Variants in CHN2 observed in about 807,000 individuals in gnomAD.
CHN2 encodes chimerin 2, also known as beta-chimaerin.
In CHN2, 35 loss-of-function variants were observed where a neutral mutation model predicts 56.3. The ratio of observed to expected loss-of-function variants is 0.62; its 90% CI spans 0.47 to 0.82. The LOEUF is 0.82. Ranked by LOEUF, CHN2 falls within the 40% of genes least tolerant of loss-of-function variation. The probability of loss-of-function intolerance (pLI) is 0.00; values close to 1 mark genes in which losing one functional copy is unlikely to be tolerated. For synonymous variants in CHN2, 210 were observed against 212.8 expected (o/e 0.99, Z 0.12); for missense variants, 491 against 580.5 (o/e 0.85, Z 1.58).
intron 2 of CHN2, among the ~76,000 whole-genome samples, chr7:29,168,923 T>C (rs1014022888): frequency 4.6e-5 from 7 of 152,172 alleles, no homozygotes; most frequent in South Asian, 2.1e-4. Flanking sequence ...CTATTCGCCA[T>C]GTTTTAAGTA....
intron 2 of CHN2, among the ~76,000 whole-genome samples, chr7:29,165,184 C>T (rs927791272): frequency 9.9e-5 from 15 of 151,996 alleles, no homozygotes; most frequent in African/African-American, 3.6e-4. Flanking sequence ...GATTTATGGG[C>T]ATGTATATCT....
intron 1 of CHN2, among the ~76,000 whole-genome samples, chr7:29,353,819 T>C (rs1380789713): frequency 6.6e-6 from 1 of 152,030 alleles, no homozygotes; most frequent in African/African-American, 2.4e-5. Context: ...AAAAAAAGGA[T>C]TTTTTTCTGC....
chr7:29,151,132 G>C (rs1278790176), intron 2 of CHN2, among the ~76,000 whole-genome samples: 1 of 152,142 alleles, frequency 6.6e-6, no homozygotes, highest in African/African-American at 2.4e-5. Flanking sequence ...CTTGTACTTG[G>C]TAAGGAAGGG....
At chr7:29,323,944 C>A (rs922572309) in intron 1 of CHN2, among the ~76,000 whole-genome samples, 2 of 151,988 alleles carry the variant, frequency 1.3e-5, no homozygotes, top group Non-Finnish European at 2.9e-5. Flanking sequence ...GCGGAGCTTG[C>A]AGTGAGCAGA....
chr7:29,497,544 A>G lies in CHN2; in HGVS notation c.739+1508A>G, dbSNP rs975496607. Reference sequence around the variant, plus strand: ...GAGGCCATATTGTTAGTATTTTCCAATGGCTACTTTTTGGCCTTATATTTC... The same window carrying G: ...GAGGCCATATTGTTAGTATTTTCCAGTGGCTACTTTTTGGCCTTATATTTC... On this transcript the variant is annotated intron_variant, in intron 8 of 12. Transcript: ENST00000222792. Among the ~76,000 whole-genome samples the G allele has an allele frequency of 2.0e-5, 3 of 151,892 alleles. No individual in the cohort carries two copies. In the East Asian group the frequency reaches 5.8e-4, roughly 29 times the overall value.
At chr7:29,190,654 GT>G (rs1310329494), upstream of CHN2, among the ~76,000 whole-genome samples, 1 of 152,150 alleles carries the variant, frequency 6.6e-6, no homozygotes, top group Non-Finnish European at 1.5e-5. Context: ...ATGTTTCACC[GT>G]TTCAGTCTTT....
chr7:29,494,950 T>TAAAAAAAAAACAAAAAAAAAAAAAAAAA (rs1789089162), intron 7 of CHN2, among the ~76,000 whole-genome samples: 1 of 64,652 alleles, frequency 1.5e-5, no homozygotes, highest in Non-Finnish European at 2.8e-5. Flanking sequence ...AAGCAGTTTG[T>TAAAAAAAAAACAAAAAAAAAAAAAAAAA]AAAAAAAAAA....
chr7:29,265,272 C>T (rs1241075637), intron 1 of CHN2, among the ~76,000 whole-genome samples: 3 of 152,188 alleles, frequency 2.0e-5, no homozygotes, highest in Non-Finnish European at 2.9e-5. Flanking sequence ...ATTTCCTCAG[C>T]ACGCTCTTGG....
In CHN2 at chr7:29,227,376, G is replaced by A. The variant is rs561740872; in HGVS notation, c.49+32386G>A. Among the ~76,000 whole-genome samples the A allele has an allele frequency of 4.6e-5, 7 of 152,254 alleles. No individual in the cohort carries two copies. In the East Asian group the frequency reaches 1.4e-3, roughly 29 times the overall value. On this transcript the variant is annotated intron_variant, in intron 1 of 12. Transcript: ENST00000222792. ...AATTGTTCCTTGTTCTAGAGGGATGGACGTACTGAGTTCCTGTTAAAGGTT... is the reference window on the plus strand; with the variant it reads ...AATTGTTCCTTGTTCTAGAGGGATGAACGTACTGAGTTCCTGTTAAAGGTT...
intron 1 of CHN2, chr7:29,197,808 A>T: frequency 2.5e-6 from 1 of 393,622 alleles, no homozygotes; most frequent in South Asian, 1.9e-5. Flanking sequence ...GTTTGATAAA[A>T]CAAATTCTGT....
In CHN2 at chr7:29,195,629, A is replaced by AGAGAGTGTGTGTGT. The variant is rs869037854; in HGVS notation, c.49+640_49+641insAGAGTGTGTGTGTG. On this transcript the variant is annotated intron_variant, in intron 1 of 12. Transcript: ENST00000222792. ...GAGAGAGAGAGAGAGAGAGAGAGAG[A>AGAGAGTGTGTGTGT]GTGTGTGTGTGTGTGTGTGTGAGAG... Among the ~76,000 whole-genome samples the AGAGAGTGTGTGTGT allele has an allele frequency of 9.4e-5, 11 of 117,572 alleles. 1 individual carries two copies. Among genetic ancestry groups the AGAGAGTGTGTGTGT allele is most frequent in the South Asian group, 5.7e-4 (2 of 3,500 alleles). The allele number at this position is 117,572 out of a possible 152,430, so 77.1% of individuals were successfully genotyped here.
intron 1 of CHN2, among the ~76,000 whole-genome samples, chr7:29,269,467 G>A (rs1489100004): frequency 6.6e-6 from 1 of 152,116 alleles, no homozygotes; most frequent in Non-Finnish European, 1.5e-5. Context: ...GGACACTTAG[G>A]TTGACTCCAT....
chr7:29,493,543 A>C (rs1486839553), intron 7 of CHN2, among the ~76,000 whole-genome samples: 1 of 152,072 alleles, frequency 6.6e-6, no homozygotes. Flanking sequence ...ATTTAACCCT[A>C]ACCCATCTAA....
At chr7:29,404,242 G>C (rs1387155260) in intron 6 of CHN2, among the ~76,000 whole-genome samples, 1 of 152,148 alleles carries the variant, frequency 6.6e-6, no homozygotes, top group Non-Finnish European at 1.5e-5. Flanking sequence ...CATGTAAGCA[G>C]AAAACTGCTA....
chr7:29,200,983 C>A (rs746480733), intron 1 of CHN2, among the ~76,000 whole-genome samples: 16 of 152,144 alleles, frequency 1.1e-4, no homozygotes, highest in Non-Finnish European at 2.1e-4. Context: ...CCTTTCTCCT[C>A]ATTTATAATT....
intron 1 of CHN2, among the ~76,000 whole-genome samples, chr7:29,278,749 G>A (rs1285964654): frequency 1.3e-5 from 2 of 152,152 alleles, no homozygotes; most frequent in South Asian, 2.1e-4. Flanking sequence ...TTGGAAATCC[G>A]GCCATGAACC....
chr7:29,466,090 C>T (rs1785524149), intron 6 of CHN2, among the ~76,000 whole-genome samples: 1 of 152,040 alleles, frequency 6.6e-6, no homozygotes, highest in Non-Finnish European at 1.5e-5. Flanking sequence ...GTATCCCAGC[C>T]ACTCAGGAGG....
At chr7:29,404,222 G>A (rs1225788153) in intron 6 of CHN2, among the ~76,000 whole-genome samples, 1 of 152,074 alleles carries the variant, frequency 6.6e-6, no homozygotes, top group Non-Finnish European at 1.5e-5. Context: ...ATCTGTTTCT[G>A]AAAACAGATC....
intron 6 of CHN2, among the ~76,000 whole-genome samples, chr7:29,412,340 TTTTTTTTTG>T (rs1338600716): frequency 6.6e-4 from 64 of 96,918 alleles, no homozygotes; most frequent in African/African-American, 2.5e-3. Flanking sequence ...TTTTTTTTTT[TTTTTTTTTG>T]GGAGACGGAG....
Sources: allele counts gnomAD v4.1 joint callset (sites outside exome capture counted in the v4.1 genomes callset), GRCh38; gene constraint gnomAD v4.1.1; transcripts MANE v1.5; gene names NCBI Gene and HGNC (gene_info 2026-07-23, HGNC 2026-07-21).